Variants in CDC73 observed in about 807,000 individuals in gnomAD.
CDC73 encodes the protein cell division cycle 73.
Under a neutral mutation model 83.7 loss-of-function variants are expected in CDC73, and 21 were observed. The ratio of observed to expected loss-of-function variants is 0.25; its 90% CI spans 0.18 to 0.36. The LOEUF (loss-of-function observed/expected upper bound fraction) is 0.36, where lower values mean the gene tolerates loss of function less well. CDC73 is among the 10% of genes least tolerant of loss of function. The probability of loss-of-function intolerance (pLI) is 1.00; values close to 1 mark genes in which losing one functional copy is unlikely to be tolerated. For missense variants in CDC73, 342 were observed against 653.3 expected (o/e 0.52, Z 5.19); for synonymous variants, 224 against 212.9 (o/e 1.05, Z -0.45).
chr1:193,179,385 C>G (rs1359662169), intron 10 of CDC73: 1 of 152,508 alleles, frequency 6.6e-6, no homozygotes, highest in Non-Finnish European at 1.5e-5. Flanking sequence ...TCTTTTTCAA[C>G]AGTACATCCT....
intron 13 of CDC73, among the ~76,000 whole-genome samples, chr1:193,215,575 G>A (rs1456761517): frequency 6.6e-6 from 1 of 150,570 alleles, no homozygotes. Flanking sequence ...TTTGGGCAAA[G>A]AATGAAATTA....
intron 2 of CDC73, among the ~76,000 whole-genome samples, chr1:193,126,844 C>T (rs953789227): frequency 1.3e-5 from 2 of 152,068 alleles, no homozygotes; most frequent in African/African-American, 4.8e-5. Context: ...TTTTGAGTTA[C>T]CTAACACCGT....
At chr1:193,160,613 A>G (rs2103140007) in intron 10 of CDC73, among the ~76,000 whole-genome samples, 1 of 152,170 alleles carries the variant, frequency 6.6e-6, no homozygotes, top group African/African-American at 2.4e-5. Flanking sequence ...TTTTAACAAA[A>G]TTATTGTCAG....
At chr1:193,208,875 CT>C (rs1332357193) in intron 11 of CDC73, among the ~76,000 whole-genome samples, 8 of 152,296 alleles carry the variant, frequency 5.3e-5, no homozygotes, top group African/African-American at 1.9e-4. Flanking sequence ...TGTTCGCCTA[CT>C]TGTTCTTGGC....
At chr1:193,207,831 T>G (rs1019735743) in intron 11 of CDC73, among the ~76,000 whole-genome samples, 1 of 152,198 alleles carries the variant, frequency 6.6e-6, no homozygotes, top group African/African-American at 2.4e-5. Context: ...ATAATGGGAT[T>G]AAGAGATTAA....
At chr1:193,215,578 T>C (rs1677353093) in intron 13 of CDC73, among the ~76,000 whole-genome samples, 1 of 151,686 alleles carries the variant, frequency 6.6e-6, no homozygotes, top group Non-Finnish European at 1.5e-5. Context: ...GGGCAAAGAA[T>C]GAAATTAACA....
At chr1:193,192,226 T>C (rs948388161) in intron 10 of CDC73, among the ~76,000 whole-genome samples, 2 of 152,158 alleles carry the variant, frequency 1.3e-5, no homozygotes, top group African/African-American at 4.8e-5. Flanking sequence ...GCGAATCACC[T>C]GAGATTGTGA....
intron 13 of CDC73, among the ~76,000 whole-genome samples, chr1:193,230,455 G>A (rs971245402): frequency 3.8e-5 from 4 of 104,712 alleles, no homozygotes; most frequent in Admixed American, 1.1e-4. Context: ...CCCTAATCCC[G>A]TATTTTTTTT....
At chr1:193,226,935 C>A (rs1254426624) in intron 13 of CDC73, among the ~76,000 whole-genome samples, 6 of 152,094 alleles carry the variant, frequency 3.9e-5, no homozygotes, top group African/African-American at 1.2e-4. Context: ...AGCTGTGAAT[C>A]CTTCTGGTTC....
chr1:193,168,947 A>T (rs1424479044), intron 10 of CDC73, among the ~76,000 whole-genome samples: 3 of 152,220 alleles, frequency 2.0e-5, no homozygotes, highest in Non-Finnish European at 2.9e-5. Context: ...TTTAAATAAT[A>T]CTTTTGATTA....
At chr1:193,164,650 AAAAAAGGACTT>A (rs1277625883) in intron 10 of CDC73, among the ~76,000 whole-genome samples, 7 of 152,200 alleles carry the variant, frequency 4.6e-5, no homozygotes, top group Admixed American at 1.3e-4. Context: ...TCTTCATTAA[AAAAAAGGACTT>A]GTTGCAAGTC....
chr1:193,199,255 G>A (rs1483863245), intron 10 of CDC73, among the ~76,000 whole-genome samples: 1 of 151,976 alleles, frequency 6.6e-6, no homozygotes, highest in Non-Finnish European at 1.5e-5. Flanking sequence ...TTCTACAACA[G>A]GTTTCTCAAA....
At chr1:193,203,991 C>T (rs968080568) in intron 11 of CDC73, 139 bp downstream of exon 11, 17 of 735,540 alleles carry the variant, frequency 2.3e-5, no homozygotes, top group East Asian at 8.1e-5. Flanking sequence ...TGAAGACTGT[C>T]GATACTGTTT....
intron 10 of CDC73, among the ~76,000 whole-genome samples, chr1:193,167,386 A>G (rs542660823): frequency 5.3e-5 from 8 of 152,312 alleles, no homozygotes; most frequent in East Asian, 1.9e-4. Flanking sequence ...CGAATAAACC[A>G]TAACTGAGTG....
At chr1:193,181,116 T>C in intron 10 of CDC73, 1 of 1,614,034 alleles carries the variant, frequency 6.2e-7, no homozygotes, top group Non-Finnish European at 8.5e-7. Flanking sequence ...AAAAAGGACT[T>C]TTCTCTTGGC....
intron 2 of CDC73, among the ~76,000 whole-genome samples, chr1:193,128,938 C>T (rs142430577): frequency 1.3e-5 from 2 of 151,322 alleles, no homozygotes; most frequent in African/African-American, 4.9e-5. Context: ...GACTGGGTCT[C>T]GCCTCAGTCT....
chr1:193,164,205 G>T (rs759350107), intron 10 of CDC73, among the ~76,000 whole-genome samples: 93 of 152,330 alleles, frequency 6.1e-4, no homozygotes, highest in Non-Finnish European at 1.1e-3. Flanking sequence ...CTAAGTGACT[G>T]AATAATTTCA....
intron 11 of CDC73, among the ~76,000 whole-genome samples, chr1:193,208,646 G>T (rs1355999441): frequency 6.6e-6 from 1 of 151,692 alleles, no homozygotes; most frequent in Non-Finnish European, 1.5e-5. Flanking sequence ...TCACTTTCTG[G>T]CTTAATAGTT....
chr1:193,212,197 G>T (rs950329159), intron 12 of CDC73, 97 bp downstream of exon 12: 14 of 1,049,304 alleles, frequency 1.3e-5, no homozygotes, highest in Non-Finnish European at 1.9e-5. Context: ...TCACATGTTT[G>T]TGCTTGGTAT....
Sources: gnomAD v4.1 joint callset for allele counts (sites outside exome capture counted in the v4.1 genomes callset) on GRCh38, gnomAD v4.1.1 for gene constraint, MANE v1.5 for transcripts, NCBI Gene and HGNC (gene_info 2026-07-23, HGNC 2026-07-21) for gene names.